Variants in PIBF1 observed in about 807,000 individuals in gnomAD.
PIBF1 encodes progesterone-induced-blocking factor 1.
Under a neutral mutation model 112.5 loss-of-function variants are expected in PIBF1, and 90 were observed. That is an observed-to-expected ratio of 0.80 (90% CI 0.67 to 0.95). The LOEUF is 0.95. Ranked by LOEUF, PIBF1 falls within the 40% of genes least tolerant of loss-of-function variation. PIBF1 has a pLI of 0.00. For missense variants in PIBF1, 915 were observed against 852.3 expected (o/e 1.07, Z -0.92); for synonymous variants, 301 against 288.6 (o/e 1.04, Z -0.44).
At chr13:72,883,471 GTC>G (rs985074573) in intron 10 of PIBF1, among the ~76,000 whole-genome samples, 3 of 152,086 alleles carry the variant, frequency 2.0e-5, no homozygotes, top group African/African-American at 7.2e-5. Flanking sequence ...TTTAGACAGA[GTC>G]TCTCTCTGGC....
chr13:72,913,270 A>G (rs1277623684), intron 12 of PIBF1, among the ~76,000 whole-genome samples: 2 of 152,172 alleles, frequency 1.3e-5, no homozygotes, highest in Non-Finnish European at 2.9e-5. Context: ...CTTAAAAAAT[A>G]AAAATAAAAT....
At chr13:72,970,017 A>G (rs1016123130) in intron 15 of PIBF1, among the ~76,000 whole-genome samples, 7 of 152,210 alleles carry the variant, frequency 4.6e-5, no homozygotes. Flanking sequence ...AAAAATATTT[A>G]CATCAATTGA....
chr13:72,794,865 G>A (rs2035112469), intron 3 of PIBF1, among the ~76,000 whole-genome samples: 1 of 152,076 alleles, frequency 6.6e-6, no homozygotes, highest in Non-Finnish European at 1.5e-5. Flanking sequence ...CTTTCAGTAG[G>A]CAACTAACAA....
intron 14 of PIBF1, among the ~76,000 whole-genome samples, chr13:72,959,918 A>G (rs990585097): frequency 6.6e-6 from 1 of 152,238 alleles, no homozygotes; most frequent in African/African-American, 2.4e-5. Context: ...AACAATAGGC[A>G]ATGTGAGCAA....
chr13:73,013,659 C>T lies in PIBF1; in HGVS notation c.2224-2210C>T, dbSNP rs1242549628. Among the ~76,000 whole-genome samples the T allele has an allele frequency of 4.7e-5, 7 of 150,156 alleles. No individual in the cohort carries two copies. The East Asian group carries it at 1.4e-3, about 29-fold the overall frequency. Reference sequence around the variant, plus strand: ...GGCTGAGGCAGGACTATCACTTGAGCCCGAGAGGTTGAGGCTACAGTTAGC... The same window carrying T: ...GGCTGAGGCAGGACTATCACTTGAGTCCGAGAGGTTGAGGCTACAGTTAGC... On this transcript the variant is annotated intron_variant, in intron 17 of 17. Coordinates refer to ENST00000326291, the MANE Select transcript of PIBF1 (RefSeq NM_006346.4).
intron 11 of PIBF1, among the ~76,000 whole-genome samples, chr13:72,895,445 C>T (rs1028307533): frequency 1.3e-5 from 2 of 151,354 alleles, no homozygotes; most frequent in African/African-American, 2.4e-5. Flanking sequence ...GACATGCCTT[C>T]GCCTTCTACA....
At chr13:73,001,582 C>CTTTGTTTTTTTTTTT (rs2043867825) in intron 17 of PIBF1, among the ~76,000 whole-genome samples, 3 of 29,160 alleles carry the variant, frequency 1.0e-4, no homozygotes, top group Non-Finnish European at 1.5e-4. Flanking sequence ...AAGAGCTTGA[C>CTTTGTTTTTTTTTTT]TTTTTTTTTT....
intron 14 of PIBF1, among the ~76,000 whole-genome samples, chr13:72,935,411 C>T (rs147808363): frequency 3.1e-3 from 469 of 152,108 alleles, no homozygotes; most frequent in African/African-American, 9.1e-3. Flanking sequence ...AGTAACATTT[C>T]GTTGTGTGGA....
chr13:72,986,102 G>A (rs2043281132), intron 16 of PIBF1, among the ~76,000 whole-genome samples: 1 of 152,156 alleles, frequency 6.6e-6, no homozygotes, highest in South Asian at 2.1e-4. Context: ...CTTCAAGGCT[G>A]TAGTGAGCTG....
chr13:72,926,714 A>G (rs572798569), intron 13 of PIBF1, among the ~76,000 whole-genome samples: 1 of 152,342 alleles, frequency 6.6e-6, no homozygotes, highest in South Asian at 2.1e-4. Flanking sequence ...AATTTTCCCT[A>G]GCACTTCATC....
At chr13:72,927,982 TATATATACACACAC>T (rs1310906465) in intron 13 of PIBF1, among the ~76,000 whole-genome samples, 15 of 62,116 alleles carry the variant, frequency 2.4e-4, no homozygotes, top group African/African-American at 8.3e-4. Context: ...TATATACATA[TATATATACACACAC>T]ATATATATAC....
chr13:72,916,142 A>G (rs982835346), intron 12 of PIBF1, among the ~76,000 whole-genome samples: 2 of 151,836 alleles, frequency 1.3e-5, no homozygotes, highest in African/African-American at 4.8e-5. Context: ...TAATCCCAGC[A>G]CTTTGGGAGG....
At chr13:72,820,168 A>T (rs1294673267) in intron 5 of PIBF1, among the ~76,000 whole-genome samples, 1 of 152,106 alleles carries the variant, frequency 6.6e-6, no homozygotes. Flanking sequence ...TATGCTTCAC[A>T]AGAACTCTGA....
intron 13 of PIBF1, among the ~76,000 whole-genome samples, chr13:72,926,858 C>G (rs776541468): frequency 2.0e-5 from 3 of 152,088 alleles, no homozygotes; most frequent in Non-Finnish European, 4.4e-5. Context: ...TTTAAATTTG[C>G]CTGTCTTCCT....
At chr13:72,983,990 A>G (rs535051222) in intron 16 of PIBF1, among the ~76,000 whole-genome samples, 53 of 152,180 alleles carry the variant, frequency 3.5e-4, no homozygotes, top group Non-Finnish European at 5.3e-4. Flanking sequence ...TTGGATATAA[A>G]TGAGTGTTTT....
chr13:72,791,148 G>A (rs1424085497), intron 2 of PIBF1, among the ~76,000 whole-genome samples: 3 of 151,930 alleles, frequency 2.0e-5, no homozygotes, highest in Non-Finnish European at 2.9e-5. Context: ...TCCGCCTCCC[G>A]GGTTCACGCG....
At chr13:72,976,254 A>G (rs983097730) in intron 16 of PIBF1, among the ~76,000 whole-genome samples, 1 of 150,694 alleles carries the variant, frequency 6.6e-6, no homozygotes, top group African/African-American at 2.4e-5. Context: ...AGCCTGAGCA[A>G]TGTAGTGCAA....
intron 16 of PIBF1, among the ~76,000 whole-genome samples, chr13:72,998,310 TC>T (rs905339750): frequency 6.6e-6 from 1 of 151,942 alleles, no homozygotes; most frequent in Non-Finnish European, 1.5e-5. Flanking sequence ...CTTCAAAAAT[TC>T]CAAAATACAA....
chr13:72,973,808 G>T, intron 16 of PIBF1, 133 bp downstream of exon 16: 2 of 563,722 alleles, frequency 3.5e-6, no homozygotes, highest in East Asian at 3.2e-5. Flanking sequence ...CTGTAATTTT[G>T]TCCTTTTTTA....
Sources: allele counts gnomAD v4.1 joint callset (sites outside exome capture counted in the v4.1 genomes callset), GRCh38; gene constraint gnomAD v4.1.1; transcripts MANE v1.5; gene names NCBI Gene and HGNC (gene_info 2026-07-23, HGNC 2026-07-21).